Variants in BCAR3 observed in about 807,000 individuals in gnomAD.
BCAR3 encodes breast cancer anti-estrogen resistance protein 3.
A neutral mutation model predicts 80.1 loss-of-function variants in BCAR3; 37 were observed. The ratio of observed to expected loss-of-function variants is 0.46; its 90% CI spans 0.36 to 0.61. The LOEUF is 0.61. BCAR3 is among the 20% of genes least tolerant of loss of function. The pLI, the probability that BCAR3 is intolerant of heterozygous loss-of-function variation, is 0.00. For synonymous variants in BCAR3, 389 were observed against 418.9 expected, an observed-to-expected ratio of 0.93 and a Z score of 0.87; for missense variants, 978 against 1,068.2, an observed-to-expected ratio of 0.92 and a Z score of 1.18.
chr1:93,562,712 A>C (rs1031419841), intron 11 of BCAR3, among the ~76,000 whole-genome samples: 5 of 143,884 alleles, frequency 3.5e-5, no homozygotes, highest in African/African-American at 1.3e-4. Flanking sequence ...TGGAGCTTGC[A>C]GTGAGCGAGA....
At chr1:93,780,670 G>C (rs1356464524) in intron 2 of BCAR3, among the ~76,000 whole-genome samples, 1 of 152,068 alleles carries the variant, frequency 6.6e-6, no homozygotes, top group Non-Finnish European at 1.5e-5. Flanking sequence ...ATGCATTGTG[G>C]ATGGTTTCAT....
At chr1:93,757,355 G>A (rs1475169585) in intron 2 of BCAR3, among the ~76,000 whole-genome samples, 1 of 152,094 alleles carries the variant, frequency 6.6e-6, no homozygotes, top group Non-Finnish European at 1.5e-5. Context: ...TCTTTTCTCT[G>A]ATGTCCACTT....
In BCAR3 at chr1:93,674,825, C is replaced by T. The variant is rs974770735; in HGVS notation, c.106G>A (p.Glu36Lys). 6.2e-7 allele frequency: 1 copy of T among 1,603,958 alleles called. No individual in the cohort carries two copies. The highest frequency in any genetic ancestry group is 1.3e-5 in the African/African-American group (1 of 74,176). The stretch of plus-strand genomic sequence containing the variant: ...TCTTGATAGGCATCTGGGCGATGCT[C>T]AGCGAGAGGGGACCTGCTGCTCAGA... Reference protein sequence around the residue: ...DLLSSRSPLAEHRPDAYQDVS... With the variant: ...DLLSSRSPLAKHRPDAYQDVS... Residue 36 changes from glutamate to lysine, a missense_variant, in exon 2 of 12, where the codon GAG becomes AAG. Physicochemically the swap from Glu to Lys is moderately conservative, Grantham distance 56. Transcript: ENST00000260502.
chr1:93,588,731 A>G (rs1469480323), intron 5 of BCAR3, among the ~76,000 whole-genome samples: 3 of 145,956 alleles, frequency 2.1e-5, no homozygotes, highest in African/African-American at 7.7e-5. Flanking sequence ...GCCTAAGTCT[A>G]CCCCCTTCAC....
At chr1:93,829,067 G>C (rs1222559415) in intron 2 of BCAR3, among the ~76,000 whole-genome samples, 1 of 152,168 alleles carries the variant, frequency 6.6e-6, no homozygotes, top group East Asian at 1.9e-4. Flanking sequence ...AGAAAAGAGA[G>C]AGAAAAAGCT....
Position 93,582,625 on chromosome 1 carries a change from G to A in BCAR3, c.1362C>T (p.His454=). 1 of 1,613,980 alleles carries A rather than the reference G, an allele frequency of 6.2e-7. No homozygotes were observed. Reference sequence around the variant, plus strand: ...TCTGCTTGGCTGTGAGCAGTTCTGTGTGGCTTCCCTGGGCACATGAGGGTA... The same window carrying A: ...TCTGCTTGGCTGTGAGCAGTTCTGTATGGCTTCCCTGGGCACATGAGGGTA... The part of the protein sequence containing the change: ...AKLPSCAQGS[H]TELLTAKQNE... The change falls in exon 7 of 12, where the codon CAC becomes CAT. Residue 454 remains histidine, a synonymous_variant. Transcript: ENST00000260502.
chr1:93,759,901 TC>T (rs1651877259), intron 2 of BCAR3, among the ~76,000 whole-genome samples: 2 of 152,108 alleles, frequency 1.3e-5, no homozygotes, highest in Non-Finnish European at 2.9e-5. Flanking sequence ...CTCGCTGGTC[TC>T]AAAGGTGGCA....
rs536430366 is a variant in BCAR3 at position 93,732,138 on chromosome 1, G to A, written c.-62-25996C>T. On this transcript the variant is annotated intron_variant, in intron 2 of 13. Transcript: ENST00000370244. ...GGGAATAGAAAGAGGTTCACAGAACGGGTGGCTTCACAGTGTGGAGCCAAA... is the reference window on the plus strand; with the variant it reads ...GGGAATAGAAAGAGGTTCACAGAACAGGTGGCTTCACAGTGTGGAGCCAAA... Among the ~76,000 whole-genome samples the A allele has an allele frequency of 1.1e-4, 16 of 152,374 alleles. No homozygotes were observed. The South Asian group carries it at 2.9e-3, about 28-fold the overall frequency.
At chr1:93,679,344 A>G (rs1648645503) in intron 1 of BCAR3, among the ~76,000 whole-genome samples, 1 of 152,184 alleles carries the variant, frequency 6.6e-6, no homozygotes, top group Non-Finnish European at 1.5e-5. Flanking sequence ...CTGAGAGTTC[A>G]CAAATGAAGA....
In BCAR3 at chr1:93,742,603, G is replaced by T. The variant is rs544569190; in HGVS notation, c.-62-36461C>A. Among the ~76,000 whole-genome samples the T allele has an allele frequency of 2.0e-5, 3 of 152,212 alleles. No individual in the cohort carries two copies. In the East Asian group the frequency reaches 5.8e-4, roughly 29 times the overall value. On this transcript the variant is annotated intron_variant, in intron 2 of 13. Coordinates refer to the BCAR3 transcript ENST00000370244. ...ATGGGATTTTCACCCATTAGAAGCA[G>T]TTTTCTATCTACACAGATTTCATCC...
At chr1:93,841,513 G>C (rs1235480958) in intron 2 of BCAR3, among the ~76,000 whole-genome samples, 1 of 152,166 alleles carries the variant, frequency 6.6e-6, no homozygotes, top group Non-Finnish European at 1.5e-5. Context: ...CATCCTTCCT[G>C]AGCCCTACTA....
chr1:93,589,353 TC>T lies in BCAR3; in HGVS notation c.552del (p.Asn185ThrfsTer4), dbSNP rs1261181728. 1 of 1,613,978 alleles carries T rather than the reference TC, an allele frequency of 6.2e-7. No individual in the cohort carries two copies. The highest frequency in any genetic ancestry group is 8.5e-7 in the Non-Finnish European group (1 of 1,180,036). Reference protein sequence around the residue: ...FLVRDSLSSPGNFVLTCQWKN... With the variant: ...FLVRDSLSSPXNFVLTCQWKN... ...TTCCACTGACAGGTCAGGACAAAGTTCCCAGGGCTGGACAGAGAGTCACGAA... is the reference window on the plus strand; with the variant it reads ...TTCCACTGACAGGTCAGGACAAAGTTCCAGGGCTGGACAGAGAGTCACGAA... On this transcript the variant is annotated frameshift_variant, in exon 5 of 12. Transcript: ENST00000260502. LOFTEE classifies it high-confidence loss of function.
intron 2 of BCAR3, among the ~76,000 whole-genome samples, chr1:93,708,348 A>G (rs1486610600): frequency 1.3e-5 from 2 of 152,194 alleles, no homozygotes. Flanking sequence ...CTAAACCCAC[A>G]GGAGGTAGGA....
chr1:93,745,373 C>A (rs1360361523), intron 2 of BCAR3, among the ~76,000 whole-genome samples: 1 of 152,238 alleles, frequency 6.6e-6, no homozygotes, highest in African/African-American at 2.4e-5. Flanking sequence ...AGCAGAGGGG[C>A]CCATGGCTCA....
intron 2 of BCAR3, among the ~76,000 whole-genome samples, chr1:93,772,962 G>T (rs982137847): frequency 6.6e-6 from 1 of 152,130 alleles, no homozygotes; most frequent in South Asian, 2.1e-4. Context: ...AAGGGCCATG[G>T]ATAGTCATTG....
chr1:93,606,974 G>C (rs1426181395), intron 3 of BCAR3, among the ~76,000 whole-genome samples: 1 of 152,198 alleles, frequency 6.6e-6, no homozygotes, highest in African/African-American at 2.4e-5. Flanking sequence ...CAGGTCACTG[G>C]TGGCATAAAA....
intron 11 of BCAR3, among the ~76,000 whole-genome samples, chr1:93,566,837 C>T (rs533720408): frequency 1.3e-5 from 2 of 152,310 alleles, no homozygotes; most frequent in South Asian, 4.1e-4. Flanking sequence ...AAGTGATTCT[C>T]CTGCCTCAGC....
intron 2 of BCAR3, among the ~76,000 whole-genome samples, chr1:93,746,740 C>G (rs1230738220): frequency 6.6e-6 from 1 of 152,162 alleles, no homozygotes; most frequent in Non-Finnish European, 1.5e-5. Context: ...AGGTGATCCA[C>G]ACTCTGTCTT....
At chr1:93,746,148 T>C (rs1298614555) in intron 2 of BCAR3, among the ~76,000 whole-genome samples, 3 of 152,174 alleles carry the variant, frequency 2.0e-5, no homozygotes, top group Non-Finnish European at 2.9e-5. Context: ...TTTGCAAGCA[T>C]GTGGGTAAGA....
Sources: allele counts gnomAD v4.1 joint callset (sites outside exome capture counted in the v4.1 genomes callset), GRCh38; gene constraint gnomAD v4.1.1; transcripts MANE v1.5; gene names NCBI Gene and HGNC (gene_info 2026-07-23, HGNC 2026-07-21).